The following ARHGAP10 variants were observed in gnomAD, a reference collection of about 807,000 sequenced individuals.
ARHGAP10 encodes the protein rho GTPase-activating protein 10.
In ARHGAP10, 87 loss-of-function variants were observed where a neutral mutation model predicts 108.6. That is an observed-to-expected ratio of 0.80 (90% confidence interval 0.67 to 0.96). ARHGAP10 has a LOEUF of 0.96. Among genes scored for constraint, ARHGAP10 ranks in the 40% least tolerant of loss-of-function variants. The probability of loss-of-function intolerance (pLI) is 0.00; values close to 1 mark genes in which losing one functional copy is unlikely to be tolerated. For synonymous variants in ARHGAP10, 347 were observed against 341.1 expected (o/e 1.02, Z -0.19); for missense variants, 939 against 954.5 (o/e 0.98, Z 0.21).
intron 10 of ARHGAP10, among the ~76,000 whole-genome samples, chr4:147,899,055 CAG>C (rs939670203): frequency 2.6e-5 from 4 of 152,164 alleles, no homozygotes; most frequent in African/African-American, 9.7e-5. Context: ...GATTAGGACA[CAG>C]AGTAGCCCAT....
At chr4:147,869,981 T>C (rs1375210548) in intron 7 of ARHGAP10, among the ~76,000 whole-genome samples, 2 of 148,370 alleles carry the variant, frequency 1.3e-5, no homozygotes, top group African/African-American at 5.1e-5. Flanking sequence ...CAACATATTG[T>C]TGAAAAAAGT....
At chr4:147,896,877 T>G (rs938368642) in intron 10 of ARHGAP10, among the ~76,000 whole-genome samples, 2 of 152,192 alleles carry the variant, frequency 1.3e-5, no homozygotes, top group Admixed American at 1.3e-4. Flanking sequence ...TTTTTAAAAA[T>G]TCCAAATGGC....
At chr4:147,847,020 C>A in intron 3 of ARHGAP10, 131 bp from the exon 4 acceptor site, 1 of 639,688 alleles carries the variant, frequency 1.6e-6, no homozygotes, top group Non-Finnish European at 2.7e-6. Flanking sequence ...GTTGCATTGG[C>A]AGAGTGAGAT....
intron 22 of ARHGAP10, among the ~76,000 whole-genome samples, chr4:148,070,297 T>C (rs1730110353): frequency 6.6e-6 from 1 of 151,986 alleles, no homozygotes; most frequent in South Asian, 2.1e-4. Context: ...GAAGCATGAG[T>C]AGGTGCTGTC....
intron 1 of ARHGAP10, among the ~76,000 whole-genome samples, chr4:147,811,226 C>G (rs1732003089): frequency 6.6e-6 from 1 of 152,242 alleles, no homozygotes; most frequent in Non-Finnish European, 1.5e-5. Context: ...AGTGCGGGCC[C>G]CAGGCCCCCA....
intron 1 of ARHGAP10, among the ~76,000 whole-genome samples, chr4:147,745,742 C>T (rs1163685273): frequency 2.0e-5 from 3 of 151,166 alleles, no homozygotes; most frequent in Non-Finnish European, 4.4e-5. Flanking sequence ...CTGCCCGCCT[C>T]GGCCTCCCAA....
intron 22 of ARHGAP10, chr4:148,065,595 G>T (rs763146021): frequency 6.6e-6 from 1 of 152,190 alleles, no homozygotes; most frequent in Admixed American, 6.5e-5. Flanking sequence ...AATGTGGAAC[G>T]TAGCTGCCCT....
intron 1 of ARHGAP10, among the ~76,000 whole-genome samples, chr4:147,797,457 G>A (rs1731361618): frequency 6.6e-6 from 1 of 151,972 alleles, no homozygotes; most frequent in South Asian, 2.1e-4. Flanking sequence ...AGATGAAGTA[G>A]GCTGGAGTGC....
intron 1 of ARHGAP10, among the ~76,000 whole-genome samples, chr4:147,746,773 A>G (rs2126686609): frequency 6.6e-6 from 1 of 152,276 alleles, no homozygotes; most frequent in East Asian, 1.9e-4. Flanking sequence ...GTTTCATGAC[A>G]GAGGAGATGG....
intron 3 of ARHGAP10, among the ~76,000 whole-genome samples, chr4:147,830,712 G>C (rs1017008751): frequency 6.6e-6 from 1 of 151,984 alleles, no homozygotes; most frequent in Admixed American, 6.6e-5. Context: ...TAGAGACGGG[G>C]TTTCACCTTG....
intron 12 of ARHGAP10, among the ~76,000 whole-genome samples, chr4:147,912,587 ATATATATAT>A: frequency 7.8e-6 from 1 of 128,068 alleles, no homozygotes; most frequent in Non-Finnish European, 1.5e-5. Context: ...ATATATATAT[ATATATATAT>A]ATAAAATTCC....
At chr4:147,884,108 A>G (rs1376806904) in intron 10 of ARHGAP10, among the ~76,000 whole-genome samples, 1 of 152,258 alleles carries the variant, frequency 6.6e-6, no homozygotes, top group Admixed American at 6.5e-5. Context: ...GAATATGTTA[A>G]GTGAGGTGAA....
intron 11 of ARHGAP10, 84 bp from the exon 12 acceptor site, chr4:147,909,648 T>G: frequency 8.6e-7 from 1 of 1,158,044 alleles, no homozygotes; most frequent in Non-Finnish European, 1.2e-6. Context: ...ATGTATTTTT[T>G]TTTGTATGGT....
At chr4:147,942,045 A>G (rs1441825309) in intron 14 of ARHGAP10, among the ~76,000 whole-genome samples, 1 of 152,132 alleles carries the variant, frequency 6.6e-6, no homozygotes, top group Non-Finnish European at 1.5e-5. Flanking sequence ...TTTTTCTCCA[A>G]CTTTTCCCAT....
intron 1 of ARHGAP10, among the ~76,000 whole-genome samples, chr4:147,784,934 T>C (rs1276732424): frequency 1.8e-5 from 2 of 112,550 alleles, no homozygotes; most frequent in East Asian, 4.2e-4. Flanking sequence ...ATATATGTTA[T>C]AAAATATAAA....
In ARHGAP10 at chr4:147,916,944, T is replaced by C. The variant is rs573537990; in HGVS notation, c.1228+3805T>C. 3.9e-5 allele frequency: 6 copies of C among 152,304 alleles called. No individual in the cohort carries two copies. In the South Asian group the frequency reaches 1.2e-3, roughly 32 times the overall value. 9.4% of individuals were successfully genotyped at this position (152,304 alleles called of 1,614,324 possible). On this transcript the variant is annotated intron_variant, in intron 13 of 22. Transcript: ENST00000336498. ...CCCTACATCTGCCTCCCAGTAATGG[T>C]GGCCAGAGGTGAACTGAGGGGAGCC...
intron 18 of ARHGAP10, among the ~76,000 whole-genome samples, chr4:147,977,295 G>GT (rs1249121414): frequency 6.6e-6 from 1 of 152,180 alleles, no homozygotes; most frequent in East Asian, 1.9e-4. Flanking sequence ...GTGTGGTGGC[G>GT]TATGTGTAGG....
At chr4:147,779,680 C>T (rs1162355940) in intron 1 of ARHGAP10, among the ~76,000 whole-genome samples, 1 of 152,140 alleles carries the variant, frequency 6.6e-6, no homozygotes, top group Non-Finnish European at 1.5e-5. Flanking sequence ...AGAGCAAGAG[C>T]ACAAATGATC....
chr4:147,936,377 G>C (rs1403550338), intron 13 of ARHGAP10, among the ~76,000 whole-genome samples: 1 of 128,156 alleles, frequency 7.8e-6, no homozygotes, highest in Non-Finnish European at 1.6e-5. Context: ...GCTGGACTGC[G>C]GACTGCAGTG....
Sources: gnomAD v4.1 joint callset for allele counts (sites outside exome capture counted in the v4.1 genomes callset) on GRCh38, gnomAD v4.1.1 for gene constraint, MANE v1.5 for transcripts, NCBI Gene and HGNC (gene_info 2026-07-23, HGNC 2026-07-21) for gene names.